Variants in OPCML observed in about 807,000 individuals in gnomAD.
OPCML encodes opioid-binding protein/cell adhesion molecule.
Under a neutral mutation model 37.8 loss-of-function variants are expected in OPCML, and 13 were observed. That is an observed-to-expected ratio of 0.34 (90% CI 0.22 to 0.55). The LOEUF (loss-of-function observed/expected upper bound fraction) is 0.55, where lower values mean the gene tolerates loss of function less well. Ranked by LOEUF, OPCML falls within the 20% of genes least tolerant of loss-of-function variation. The pLI, the probability that OPCML is intolerant of heterozygous loss-of-function variation, is 0.91. For missense variants in OPCML, 341 were observed against 435.6 expected (o/e 0.78, Z 1.93); for synonymous variants, 176 against 168.8 (o/e 1.04, Z -0.33).
intron 1 of OPCML, among the ~76,000 whole-genome samples, chr11:133,478,681 C>G (rs1249567202): frequency 1.3e-5 from 2 of 152,168 alleles, no homozygotes; most frequent in Non-Finnish European, 2.9e-5. Flanking sequence ...TGAAACCAAC[C>G]TAAACTATAG....
At chr11:132,911,686 C>A (rs1023020033) in intron 2 of OPCML, among the ~76,000 whole-genome samples, 2 of 152,202 alleles carry the variant, frequency 1.3e-5, no homozygotes, top group East Asian at 3.9e-4. Context: ...CACTCCATAG[C>A]CTCTTTAGCA....
chr11:133,234,471 G>C (rs1445507321), intron 1 of OPCML, among the ~76,000 whole-genome samples: 2 of 152,224 alleles, frequency 1.3e-5, no homozygotes, highest in Non-Finnish European at 2.9e-5. Flanking sequence ...AGGTCATCCA[G>C]TGGAAAGCAA....
chr11:132,603,625 G>T (rs1938075448), intron 3 of OPCML, among the ~76,000 whole-genome samples: 1 of 152,110 alleles, frequency 6.6e-6, no homozygotes, highest in African/African-American at 2.4e-5. Context: ...TAATTGCCCA[G>T]CTTAAAAACC....
intron 1 of OPCML, among the ~76,000 whole-genome samples, chr11:133,166,656 G>A (rs1950212685): frequency 6.6e-6 from 1 of 152,188 alleles, no homozygotes; most frequent in African/African-American, 2.4e-5. Flanking sequence ...TGATGTGCAG[G>A]CTGGCTCTGA....
At chr11:132,424,872 T>C (rs1272644118) in intron 7 of OPCML, among the ~76,000 whole-genome samples, 4 of 152,216 alleles carry the variant, frequency 2.6e-5, no homozygotes, top group Admixed American at 2.0e-4. Flanking sequence ...CTTGTTTAGA[T>C]AGTTCCAAAA....
At chr11:133,191,195 G>C (rs1938298506) in intron 1 of OPCML, among the ~76,000 whole-genome samples, 1 of 151,964 alleles carries the variant, frequency 6.6e-6, no homozygotes, top group Non-Finnish European at 1.5e-5. Flanking sequence ...ATCTCATTAT[G>C]ACTTTGGTAT....
intron 3 of OPCML, among the ~76,000 whole-genome samples, chr11:132,543,873 A>G (rs1227631153): frequency 6.6e-6 from 1 of 152,174 alleles, no homozygotes; most frequent in Non-Finnish European, 1.5e-5. Flanking sequence ...TAATTATTAT[A>G]TAAGCCTTTT....
At chr11:132,697,186 T>C (rs1943629977) in intron 2 of OPCML, among the ~76,000 whole-genome samples, 6 of 152,210 alleles carry the variant, frequency 3.9e-5, no homozygotes, top group Admixed American at 3.9e-4. Context: ...ATGCACAACA[T>C]GATGTTTTGA....
chr11:133,378,953 C>T (rs1481283850), intron 1 of OPCML, among the ~76,000 whole-genome samples: 4 of 152,028 alleles, frequency 2.6e-5, no homozygotes, highest in South Asian at 4.2e-4. Context: ...ACGGGGTTCT[C>T]ACTATGTTGC....
intron 4 of OPCML, among the ~76,000 whole-genome samples, chr11:132,471,747 C>T (rs539842622): frequency 3.3e-5 from 5 of 152,316 alleles, no homozygotes; most frequent in Non-Finnish European, 7.3e-5. Flanking sequence ...GTCAACCACA[C>T]CCACTCTTTA....
intron 1 of OPCML, among the ~76,000 whole-genome samples, chr11:133,225,416 G>A (rs767957013): frequency 5.9e-5 from 9 of 152,182 alleles, no homozygotes; most frequent in Admixed American, 1.3e-4. Context: ...CCCTCGGCCC[G>A]TGACCTGACT....
In OPCML at chr11:132,594,830, G is replaced by T. The variant is rs543380900; in HGVS notation, c.379+62257C>A. Among the ~76,000 whole-genome samples the T allele has an allele frequency of 1.2e-4, 19 of 152,228 alleles. No homozygotes were observed. In the East Asian group the frequency reaches 3.7e-3, roughly 29 times the overall value. The stretch of plus-strand genomic sequence containing the variant: ...AATCAATCCATCAGTTTAGTCCAAT[G>T]CACTTATTTTATACATAAAAGCTAA... On this transcript the variant is annotated intron_variant, in intron 3 of 7. Coordinates refer to ENST00000524381, the MANE Select transcript of OPCML (RefSeq NM_001012393.5).
At chr11:132,990,257 T>C (rs1946752088) in intron 1 of OPCML, among the ~76,000 whole-genome samples, 1 of 152,230 alleles carries the variant, frequency 6.6e-6, no homozygotes, top group African/African-American at 2.4e-5. Context: ...GTGCACAGAA[T>C]GTTGATAAGT....
intron 2 of OPCML, among the ~76,000 whole-genome samples, chr11:132,712,611 C>T (rs1944312992): frequency 6.6e-6 from 1 of 152,164 alleles, no homozygotes; most frequent in South Asian, 2.1e-4. Flanking sequence ...TTGCCAGCTC[C>T]GCGCCGCGTG....
intron 3 of OPCML, among the ~76,000 whole-genome samples, chr11:132,553,934 A>G (rs904319784): frequency 6.6e-6 from 1 of 152,160 alleles, no homozygotes; most frequent in Non-Finnish European, 1.5e-5. Flanking sequence ...CATGAGCCAA[A>G]GCCTCCTTCC....
At chr11:132,718,203 G>C (rs570977547) in intron 2 of OPCML, among the ~76,000 whole-genome samples, 2 of 152,020 alleles carry the variant, frequency 1.3e-5, no homozygotes, top group East Asian at 3.9e-4. Flanking sequence ...CTCTGTACTC[G>C]CAGGAGATTC....
intron 2 of OPCML, among the ~76,000 whole-genome samples, chr11:132,719,253 G>A (rs1029510674): frequency 6.6e-6 from 1 of 152,236 alleles, no homozygotes; most frequent in Non-Finnish European, 1.5e-5. Context: ...AATAGGTCAT[G>A]CTCTGTGAGT....
chr11:132,866,169 C>A (rs1309093655), intron 2 of OPCML, among the ~76,000 whole-genome samples: 1 of 152,098 alleles, frequency 6.6e-6, no homozygotes, highest in Admixed American at 6.5e-5. Flanking sequence ...CATACTTGCA[C>A]ATAGAATTGC....
chr11:133,276,266 G>A (rs1210471360), intron 1 of OPCML, among the ~76,000 whole-genome samples: 2 of 152,146 alleles, frequency 1.3e-5, no homozygotes, highest in Non-Finnish European at 2.9e-5. Flanking sequence ...GTAGAAGTAA[G>A]GAATCGTGGA....
Sources: gnomAD v4.1 joint callset for allele counts (sites outside exome capture counted in the v4.1 genomes callset) on GRCh38, gnomAD v4.1.1 for gene constraint, MANE v1.5 for transcripts, NCBI Gene and HGNC (gene_info 2026-07-23, HGNC 2026-07-21) for gene names.